TNPO1: variants seen among roughly 807,000 people sequenced by gnomAD.
The protein encoded by TNPO1 is transportin-1.
Under a neutral mutation model 119.5 loss-of-function variants are expected in TNPO1, and 8 were observed. The observed-to-expected ratio is 0.07, with a 90% confidence interval of 0.04 to 0.12. The LOEUF is 0.12. TNPO1 is among the 10% of genes least tolerant of loss of function. TNPO1 has a pLI of 1.00. For missense variants in TNPO1, 576 were observed against 1,089.8 expected, an observed-to-expected ratio of 0.53 and a Z score of 6.64; for synonymous variants, 362 against 363.0, an observed-to-expected ratio of 1.00 and a Z score of 0.03.
chr5:72,896,195 C>G (rs1163375964), intron 18 of TNPO1, among the ~76,000 whole-genome samples: 1 of 151,950 alleles, frequency 6.6e-6, no homozygotes, highest in Non-Finnish European at 1.5e-5. Context: ...ATTTCCTGTT[C>G]CACATTATTT....
intron 22 of TNPO1, among the ~76,000 whole-genome samples, chr5:72,901,322 C>T (rs971783041): frequency 2.2e-4 from 33 of 151,670 alleles, no homozygotes; most frequent in African/African-American, 7.5e-4. Context: ...TGTCTTGAAT[C>T]AGGCCATGGC....
chr5:72,887,340 C>T, intron 12 of TNPO1, 118 bp downstream of exon 12: 4 of 1,148,912 alleles, frequency 3.5e-6, no homozygotes, highest in Non-Finnish European at 4.8e-6. Flanking sequence ...TATTAAACAG[C>T]CATAGGCCGT....
intron 9 of TNPO1, among the ~76,000 whole-genome samples, chr5:72,881,118 A>G (rs1271742715): frequency 1.3e-5 from 2 of 150,988 alleles, no homozygotes; most frequent in South Asian, 2.1e-4. Context: ...TTTTTTTATT[A>G]TTATTATTTT....
chr5:72,881,245 GGACTACA>G (rs1177561532), intron 9 of TNPO1, among the ~76,000 whole-genome samples: 3 of 152,118 alleles, frequency 2.0e-5, no homozygotes, highest in African/African-American at 7.2e-5. Context: ...TGAGTAGCTG[GGACTACA>G]GGCGTGTGCC....
chr5:72,850,431 A>T (rs2112254011), intron 2 of TNPO1, among the ~76,000 whole-genome samples: 1 of 152,340 alleles, frequency 6.6e-6, no homozygotes, highest in East Asian at 1.9e-4. Flanking sequence ...CAAATATGTA[A>T]TAAATAGCTA....
At chr5:72,884,707 G>A (rs1035717572) in intron 11 of TNPO1, among the ~76,000 whole-genome samples, 1 of 152,072 alleles carries the variant, frequency 6.6e-6, no homozygotes, top group African/African-American at 2.4e-5. Flanking sequence ...CTCTAGTTCA[G>A]GGTTTCTCAG....
intron 3 of TNPO1, 43 bp downstream of exon 3, chr5:72,851,362 G>GA: frequency 8.6e-7 from 1 of 1,163,628 alleles, no homozygotes; most frequent in Non-Finnish European, 1.3e-6. Flanking sequence ...GTTTCTTTAA[G>GA]ACCTGTTTAA....
chr5:72,836,662 A>G lies in TNPO1; in HGVS notation c.16-11723A>G, dbSNP rs1160725998. 2.0e-5 allele frequency among the ~76,000 whole-genome samples: 3 copies of G among 152,262 alleles called. No individual in the cohort carries two copies. The South Asian group carries it at 6.2e-4, about 32-fold the overall frequency. ...TCCTTATCAAACAGTCAGGTTCAGAATTTTTCAAATCTTTAAGTTCTGCCT... is the reference window on the plus strand; with the variant it reads ...TCCTTATCAAACAGTCAGGTTCAGAGTTTTTCAAATCTTTAAGTTCTGCCT... On this transcript the variant is annotated intron_variant, in intron 1 of 24. Transcript: ENST00000337273.
At chr5:72,846,349 T>C (rs1043375709) in intron 1 of TNPO1, among the ~76,000 whole-genome samples, 1 of 152,160 alleles carries the variant, frequency 6.6e-6, no homozygotes, top group African/African-American at 2.4e-5. Context: ...TAAATTGGTA[T>C]GTATTGGCCC....
At position 72,882,506 on chromosome 5, in the gene TNPO1, C is replaced by T; in HGVS notation, c.960C>T (p.Asp320=). The change falls in exon 10 of 25, where the codon GAC becomes GAT. Residue 320 remains aspartate (D), a synonymous_variant. Transcript: ENST00000337273. ...PVLVNGMKYS[D]IDIILLKGDV... is the part of the protein sequence containing the mutation. ...TAGTGAATGGCATGAAGTACTCAGACATAGATATTATCCTACTTAAGGTAA... is the reference window on the plus strand; with the variant it reads ...TAGTGAATGGCATGAAGTACTCAGATATAGATATTATCCTACTTAAGGTAA... 6.2e-7 allele frequency: 1 copy of T among 1,609,524 alleles called. No individual in the cohort carries two copies. Among genetic ancestry groups the T allele is most frequent in the South Asian group, 1.1e-5 (1 of 90,156 alleles).
chr5:72,904,802 AC>A (rs1561364160), intron 23 of TNPO1, among the ~76,000 whole-genome samples: 2 of 151,998 alleles, frequency 1.3e-5, no homozygotes. Flanking sequence ...TGTCCCCGCC[AC>A]ACACACAAAA....
intron 23 of TNPO1, among the ~76,000 whole-genome samples, chr5:72,904,024 G>C (rs146473440): frequency 1.3e-5 from 2 of 152,260 alleles, no homozygotes; most frequent in Non-Finnish European, 2.9e-5. Context: ...CACTAGTTTA[G>C]GTGGTCCCAT....
At position 72,906,275 on chromosome 5, in the gene TNPO1, C is replaced by CTTTTTTTTTTTT. The variant is rs869051297; in HGVS notation, c.*35+857_*35+868dup. ...CCATGTGCCCATCACTTTTTTTTTT[C>CTTTTTTTTTTTT]TTTTTTTTTTTTTTTTTTTTTTTTT... is the stretch of plus-strand genomic sequence containing the variant. On this transcript the variant is annotated intron_variant, in intron 24 of 24. Coordinates refer to ENST00000337273, the MANE Select transcript of TNPO1 (RefSeq NM_002270.4). 1.4e-3 allele frequency among the ~76,000 whole-genome samples: 79 copies of CTTTTTTTTTTTT among 54,692 alleles called. 14 individuals are homozygous for CTTTTTTTTTTTT. Among genetic ancestry groups the CTTTTTTTTTTTT allele is most frequent in the South Asian group, 3.6e-3 (5 of 1,378 alleles). 35.9% of individuals were successfully genotyped at this position (54,692 alleles called of 152,430 possible).
In TNPO1 at chr5:72,824,311, C is replaced by G. The variant is rs557847762; in HGVS notation, c.15+7559C>G. On this transcript the variant is annotated intron_variant, in intron 1 of 24. Transcript: ENST00000337273. ...CTTGTCCCACTTCACCACATTACCCCAATTTTTTGTTTCCTTTGGGAGCAG... is the reference window on the plus strand; with the variant it reads ...CTTGTCCCACTTCACCACATTACCCGAATTTTTTGTTTCCTTTGGGAGCAG... Among the ~76,000 whole-genome samples, 264 of 152,310 alleles carry G rather than the reference C, an allele frequency of 1.7e-3. 2 individuals are homozygous for G. The highest frequency in any genetic ancestry group is 6.1e-3 in the African/African-American group (253 of 41,548).
At position 72,904,853 on chromosome 5, in the gene TNPO1, T is replaced by A. The variant is rs948559644; in HGVS notation, c.2590-450T>A. Among the ~76,000 whole-genome samples, 10 of 151,940 alleles carry A rather than the reference T, an allele frequency of 6.6e-5. 1 individual carries two copies. The South Asian group carries it at 1.7e-3, about 25-fold the overall frequency. On this transcript the variant is annotated intron_variant, in intron 23 of 24. Transcript: ENST00000337273. ...CTGGGTAATTTACAAAAGAAAGAGG[T>A]TTAATTCGACTCACAGTTCCATGTG...
At chr5:72,904,341 C>CT (rs1352501969) in intron 23 of TNPO1, among the ~76,000 whole-genome samples, 1 of 152,166 alleles carries the variant, frequency 6.6e-6, no homozygotes, top group Non-Finnish European at 1.5e-5. Flanking sequence ...GACTTCTCTA[C>CT]TTTATCTTTT....
intron 2 of TNPO1, among the ~76,000 whole-genome samples, chr5:72,849,405 T>C (rs1745382725): frequency 6.6e-6 from 1 of 152,238 alleles, no homozygotes; most frequent in South Asian, 2.1e-4. Context: ...CTAAAGAAGT[T>C]AGTTAAGTCT....
chr5:72,862,044 C>T (rs1231609955), intron 5 of TNPO1, 130 bp downstream of exon 5: 4 of 604,044 alleles, frequency 6.6e-6, no homozygotes, highest in Non-Finnish European at 1.2e-5. Flanking sequence ...CCTAAAGTTA[C>T]CTTTGTGTTA....
At chr5:72,833,287 T>G (rs1193611182) in intron 1 of TNPO1, among the ~76,000 whole-genome samples, 1 of 152,112 alleles carries the variant, frequency 6.6e-6, no homozygotes, top group Non-Finnish European at 1.5e-5. Context: ...TCCCAAGATG[T>G]TTTTGCTTTA....
Sources: allele counts gnomAD v4.1 joint callset (sites outside exome capture counted in the v4.1 genomes callset), GRCh38; gene constraint gnomAD v4.1.1; transcripts MANE v1.5; gene names NCBI Gene and HGNC (gene_info 2026-07-23, HGNC 2026-07-21).